Variants in SSBP2 observed in about 807,000 individuals in gnomAD.
SSBP2 encodes single stranded DNA binding protein 2, also known as single-stranded DNA-binding protein 2.
A neutral mutation model predicts 61.8 loss-of-function variants in SSBP2; 17 were observed. That is an observed-to-expected ratio of 0.28 (90% CI 0.19 to 0.41). The LOEUF (loss-of-function observed/expected upper bound fraction) is 0.41. SSBP2 is among the 10% of genes least tolerant of loss of function. The probability of loss-of-function intolerance (pLI) is 1.00; values close to 1 mark genes in which losing one functional copy is unlikely to be tolerated. For synonymous variants in SSBP2, 139 were observed against 141.3 expected (o/e 0.98, Z 0.12); for missense variants, 310 against 458.7 (o/e 0.68, Z 2.96).
rs1054872460 is a variant in SSBP2 at position 81,495,207 on chromosome 5, C to T, written c.373-5898G>A. Among the ~76,000 whole-genome samples, 5 of 152,006 alleles carry T rather than the reference C, an allele frequency of 3.3e-5. No individual in the cohort carries two copies. The East Asian group carries it at 9.6e-4, about 29-fold the overall frequency. ...TCTTTTCTTTTTGAAGGTCCCAGGC[C>T]CCTTAATGAAACTGTTTTATAAATT... is the stretch of plus-strand genomic sequence containing the variant. On this transcript the variant is annotated intron_variant, in intron 5 of 16. Transcript: ENST00000320672.
chr5:81,482,145 T>C (rs950489510), intron 6 of SSBP2, among the ~76,000 whole-genome samples: 5 of 152,104 alleles, frequency 3.3e-5, no homozygotes. Context: ...GGTTTCACCA[T>C]GTTGGCCAGG....
intron 15 of SSBP2, 74 bp from the exon 16 acceptor site, chr5:81,428,757 A>AT: frequency 3.0e-6 from 3 of 986,836 alleles, no homozygotes; most frequent in Non-Finnish European, 4.8e-6. Context: ...TGTTTCGAAT[A>AT]TTGAAACAGC....
intron 1 of SSBP2, among the ~76,000 whole-genome samples, chr5:81,687,579 A>G (rs1659570651): frequency 6.6e-6 from 1 of 152,174 alleles, no homozygotes; most frequent in African/African-American, 2.4e-5. Flanking sequence ...GCTTAAAGCT[A>G]TAGGAGATAC....
chr5:81,584,744 A>G (rs1360371200), intron 4 of SSBP2, among the ~76,000 whole-genome samples: 1 of 152,196 alleles, frequency 6.6e-6, no homozygotes, highest in Non-Finnish European at 1.5e-5. Flanking sequence ...AGAATAGATA[A>G]GAGCAAACTG....
intron 4 of SSBP2, among the ~76,000 whole-genome samples, chr5:81,583,595 A>C (rs1254317675): frequency 2.0e-5 from 3 of 146,870 alleles, no homozygotes; most frequent in African/African-American, 7.6e-5. Context: ...GCGCCACTGC[A>C]CTCCAGCCTG....
At chr5:81,664,893 G>A (rs1231556545) in intron 1 of SSBP2, among the ~76,000 whole-genome samples, 2 of 152,026 alleles carry the variant, frequency 1.3e-5, no homozygotes. Flanking sequence ...CTTATTTTCG[G>A]GTTCTCTGTT....
chr5:81,661,517 T>TC (rs1491440035), intron 1 of SSBP2, among the ~76,000 whole-genome samples: 2 of 44,066 alleles, frequency 4.5e-5, no homozygotes. Context: ...CACTTCTCTC[T>TC]TTTTTTTTTT....
chr5:81,615,537 C>G lies in SSBP2; in HGVS notation c.218G>C (p.Cys73Ser). ...TGTTTCACGTCTCTCTGGAGCTGCA[C>G]AGTAGAGATCCCAAAATACACTAAA... The change falls in exon 4 of 17, where the codon TGT (cysteine) becomes TCT (serine). Residue 73 changes from cysteine (C) to serine (S), a missense_variant. This residue lies in a region of SSBP2 where 209 missense variants were observed against 286.4 expected (regional missense o/e 0.73). Transcript: ENST00000320672. 6.2e-7 allele frequency: 1 copy of G among 1,613,138 alleles called. No individual in the cohort carries two copies. The highest frequency in any genetic ancestry group is 8.5e-7 in the Non-Finnish European group (1 of 1,179,478).
chr5:81,750,621 C>A (rs1757694362), intron 1 of SSBP2: 1 of 237,742 alleles, frequency 4.2e-6, no homozygotes, highest in Non-Finnish European at 8.3e-6. Flanking sequence ...CCCGGCGGCT[C>A]CCCAGGTCCC....
intron 4 of SSBP2, among the ~76,000 whole-genome samples, chr5:81,531,766 G>C (rs1393446779): frequency 6.6e-6 from 1 of 152,102 alleles, no homozygotes; most frequent in Non-Finnish European, 1.5e-5. Flanking sequence ...GATTTGGAAA[G>C]AGTGCAAGAG....
chr5:81,512,592 G>A (rs1183877588), intron 5 of SSBP2, among the ~76,000 whole-genome samples: 3 of 152,146 alleles, frequency 2.0e-5, no homozygotes. Flanking sequence ...CAGAGTAGCT[G>A]AACAAATAAG....
intron 1 of SSBP2, among the ~76,000 whole-genome samples, chr5:81,715,515 T>C (rs62366308): frequency 0.089 from 13,529 of 152,108 alleles, 1,047 homozygotes; most frequent in East Asian, 0.38. Flanking sequence ...ACAAACAGAA[T>C]AGAGTTTGGG....
intron 4 of SSBP2, among the ~76,000 whole-genome samples, chr5:81,611,037 T>C (rs982290932): frequency 1.3e-5 from 2 of 152,176 alleles, no homozygotes; most frequent in African/African-American, 4.8e-5. Flanking sequence ...AACCTAGTCT[T>C]GTGAGCACAA....
chr5:81,643,595 CTTTTTTT>C (rs368511957), intron 2 of SSBP2, among the ~76,000 whole-genome samples: 135 of 60,260 alleles, frequency 2.2e-3, no homozygotes, highest in African/African-American at 6.3e-3. Context: ...TTTTTCCTTT[CTTTTTTT>C]TTTTTTTTTT....
chr5:81,503,481 A>C (rs920148149), intron 5 of SSBP2, among the ~76,000 whole-genome samples: 2 of 152,068 alleles, frequency 1.3e-5, no homozygotes, highest in Non-Finnish European at 2.9e-5. Context: ...AAAACAAAAA[A>C]TGGATGCTGG....
chr5:81,664,541 T>C (rs560223360), intron 1 of SSBP2, among the ~76,000 whole-genome samples: 20 of 152,290 alleles, frequency 1.3e-4, no homozygotes, highest in African/African-American at 4.1e-4. Flanking sequence ...GTAGAATCCT[T>C]TGGTTTCTTC....
At chr5:81,501,803 T>C (rs1202927877) in intron 5 of SSBP2, among the ~76,000 whole-genome samples, 1 of 151,994 alleles carries the variant, frequency 6.6e-6, no homozygotes, top group East Asian at 1.9e-4. Context: ...GACCTCGTGA[T>C]CCTCCCGCCT....
At chr5:81,516,763 A>C (rs931357959) in intron 4 of SSBP2, among the ~76,000 whole-genome samples, 8 of 152,040 alleles carry the variant, frequency 5.3e-5, no homozygotes, top group Non-Finnish European at 8.8e-5. Flanking sequence ...GTAGCAAATA[A>C]ATAATGCAAG....
chr5:81,645,780 A>AT (rs1183942325), intron 2 of SSBP2, among the ~76,000 whole-genome samples: 1 of 152,104 alleles, frequency 6.6e-6, no homozygotes, highest in African/African-American at 2.4e-5. Context: ...ATAATATTCC[A>AT]TTTTTTCCCC....
Sources: allele counts gnomAD v4.1 joint callset (sites outside exome capture counted in the v4.1 genomes callset), GRCh38; gene constraint gnomAD v4.1.1; regional missense constraint gnomAD v4.1.1; transcripts MANE v1.5; gene names NCBI Gene and HGNC (gene_info 2026-07-23, HGNC 2026-07-21).